CDH6: variants seen among roughly 807,000 people sequenced by gnomAD.
CDH6 encodes cadherin-6.
A neutral mutation model predicts 78.0 loss-of-function variants in CDH6; 31 were observed. The ratio of observed to expected loss-of-function variants is 0.40; its 90% CI spans 0.30 to 0.54. The LOEUF (loss-of-function observed/expected upper bound fraction) is 0.54. CDH6 is among the 20% of genes least tolerant of loss of function. The pLI is 0.56. For missense variants in CDH6, 724 were observed against 975.9 expected (o/e 0.74, Z 3.44); for synonymous variants, 376 against 368.8 (o/e 1.02, Z -0.23).
intron 1 of CDH6, among the ~76,000 whole-genome samples, chr5:31,201,663 A>G (rs1740352216): frequency 6.6e-6 from 1 of 152,162 alleles, no homozygotes; most frequent in Admixed American, 6.5e-5. Context: ...AAAACTGTTA[A>G]TGTTCCATGA....
At chr5:31,261,596 G>T (rs984972369) in intron 1 of CDH6, among the ~76,000 whole-genome samples, 1 of 152,096 alleles carries the variant, frequency 6.6e-6, no homozygotes, top group African/African-American at 2.4e-5. Flanking sequence ...TATTAATAAC[G>T]TTGCTTTACT....
At chr5:31,295,138 G>C (rs962815110) in intron 3 of CDH6, among the ~76,000 whole-genome samples, 1 of 152,116 alleles carries the variant, frequency 6.6e-6, no homozygotes, top group East Asian at 1.9e-4. Flanking sequence ...CATGGAAATC[G>C]TTGTAAAACA....
chr5:31,230,885 A>G (rs993035345), intron 1 of CDH6, among the ~76,000 whole-genome samples: 1 of 152,214 alleles, frequency 6.6e-6, no homozygotes, highest in African/African-American at 2.4e-5. Flanking sequence ...GAATGAAAAG[A>G]TTAGTGTGAA....
At chr5:31,261,273 A>G (rs2149930161) in intron 1 of CDH6, among the ~76,000 whole-genome samples, 1 of 152,342 alleles carries the variant, frequency 6.6e-6, no homozygotes, top group African/African-American at 2.4e-5. Context: ...TCAGAGTTGT[A>G]ATGCAGTAAG....
intron 1 of CDH6, among the ~76,000 whole-genome samples, chr5:31,252,604 A>G (rs1741941113): frequency 6.6e-6 from 1 of 152,172 alleles, no homozygotes; most frequent in Non-Finnish European, 1.5e-5. Flanking sequence ...GGCACTTTAG[A>G]TTCTTATAAG....
chr5:31,299,738 T>A, intron 5 of CDH6, 107 bp downstream of exon 5: 1 of 889,878 alleles, frequency 1.1e-6, no homozygotes, highest in Non-Finnish European at 1.8e-6. Context: ...TTAGTGGACT[T>A]AAGAAGAACT....
intron 6 of CDH6, 138 bp from the exon 7 acceptor site, chr5:31,305,036 A>G: frequency 3.5e-6 from 3 of 868,022 alleles, no homozygotes; most frequent in South Asian, 1.8e-5. Flanking sequence ...TTTGCCCAAT[A>G]TCACACAAAT....
chr5:31,278,214 G>T (rs192247203), intron 2 of CDH6, among the ~76,000 whole-genome samples: 1 of 152,086 alleles, frequency 6.6e-6, no homozygotes. Context: ...AAAGTTCAAG[G>T]ATGTTTTAGA....
In CDH6 at chr5:31,302,955, GAAGGAAAGA is replaced by G. The variant is rs1561066553; in HGVS notation, c.999+660_999+668del. 2.1e-3 allele frequency among the ~76,000 whole-genome samples: 251 copies of G among 122,414 alleles called. 47 individuals carry two copies. The highest frequency in any genetic ancestry group is 7.2e-3 in the East Asian group (30 of 4,168). The allele number at this position is 122,414 out of a possible 152,430, so 80.3% of individuals were successfully genotyped here. ...AGAAAGAAAGAAAGAAAGAAAGAAA[GAAGGAAAGA>G]AAAGAAAGAAAGAAAGAAAGAAAAC... On this transcript the variant is annotated intron_variant, in intron 6 of 11. Transcript: ENST00000265071.
At position 31,317,943 on chromosome 5, in the gene CDH6, C is replaced by G; in HGVS notation, c.1882+19C>G. 6.2e-7 allele frequency: 1 copy of G among 1,609,136 alleles called. No homozygotes were observed. Among genetic ancestry groups the G allele is most frequent in the Non-Finnish European group, 8.5e-7 (1 of 1,179,856 alleles). On this transcript the variant is annotated intron_variant, in intron 11 of 11. Transcript: ENST00000265071. ...CTACTAGGTAAACTGGTTCTCCCTG[C>G]CTCCTATCTCCCCATGGTGAGGGGC...
At chr5:31,302,067 G>A (rs1737780132) in intron 5 of CDH6, 44 bp from the exon 6 acceptor site, 1 of 1,330,862 alleles carries the variant, frequency 7.5e-7, no homozygotes, top group Non-Finnish European at 1.0e-6. Flanking sequence ...TGATAAGAGT[G>A]TGGTTAGTCT....
intron 1 of CDH6, among the ~76,000 whole-genome samples, chr5:31,245,845 A>G (rs1171338847): frequency 2.0e-5 from 3 of 150,846 alleles, no homozygotes; most frequent in African/African-American, 7.3e-5. Context: ...CATAATTTCT[A>G]GAGCAAGTCT....
chr5:31,252,467 T>C (rs767047583), intron 1 of CDH6, among the ~76,000 whole-genome samples: 3 of 152,152 alleles, frequency 2.0e-5, no homozygotes, highest in Non-Finnish European at 4.4e-5. Context: ...ATCCAGTCAA[T>C]AATTTGGATG....
chr5:31,276,851 C>G (rs1026267313), intron 2 of CDH6, among the ~76,000 whole-genome samples: 1 of 152,160 alleles, frequency 6.6e-6, no homozygotes, highest in African/African-American at 2.4e-5. Context: ...AATTAAATAA[C>G]TTAATACACA....
At chr5:31,305,527 A>C in intron 7 of CDH6, 100 bp downstream of exon 7, 3 of 1,242,882 alleles carry the variant, frequency 2.4e-6, no homozygotes, top group Non-Finnish European at 3.4e-6. Context: ...TTTTGTTCCA[A>C]TTAGACAACT....
intron 2 of CDH6, among the ~76,000 whole-genome samples, chr5:31,289,908 A>G (rs1743109537): frequency 6.6e-6 from 1 of 152,052 alleles, no homozygotes; most frequent in African/African-American, 2.4e-5. Flanking sequence ...GGTCCCACCC[A>G]CCATGGAGCT....
intron 1 of CDH6, among the ~76,000 whole-genome samples, chr5:31,245,473 G>A (rs1741718605): frequency 6.6e-6 from 1 of 151,024 alleles, no homozygotes; most frequent in Non-Finnish European, 1.5e-5. Flanking sequence ...ACAGGCCTTT[G>A]TCCAGGATGA....
chr5:31,261,856 A>G (rs572214247), intron 1 of CDH6, among the ~76,000 whole-genome samples: 3 of 152,344 alleles, frequency 2.0e-5, no homozygotes, highest in Admixed American at 6.5e-5. Flanking sequence ...TCAAAACCAG[A>G]TAATACATTT....
At chr5:31,206,149 T>G (rs1282174444) in intron 1 of CDH6, among the ~76,000 whole-genome samples, 1 of 122,808 alleles carries the variant, frequency 8.1e-6, no homozygotes, top group Non-Finnish European at 1.9e-5. Context: ...GATAGATAGA[T>G]AGATGATAGA....
Sources: gnomAD v4.1 joint callset for allele counts (sites outside exome capture counted in the v4.1 genomes callset) on GRCh38, gnomAD v4.1.1 for gene constraint, MANE v1.5 for transcripts, NCBI Gene and HGNC (gene_info 2026-07-23, HGNC 2026-07-21) for gene names.